Variants in HDAC9 observed in about 807,000 individuals in gnomAD.
HDAC9 encodes histone deacetylase 9.
HDAC9 carries 41 observed loss-of-function variants against 139.4 expected under a neutral mutation model. That is an observed-to-expected ratio of 0.29 (90% CI 0.23 to 0.38). The LOEUF (loss-of-function observed/expected upper bound fraction) is 0.38. HDAC9 is among the 10% of genes least tolerant of loss of function. The pLI, the probability that HDAC9 is intolerant of heterozygous loss-of-function variation, is 1.00. For synonymous variants in HDAC9, 517 were observed against 476.2 expected (o/e 1.09, Z -1.12); for missense variants, 1,147 against 1,297.0 (o/e 0.88, Z 1.78).
At chr7:18,267,707 T>G (rs1234963420) in intron 2 of HDAC9, among the ~76,000 whole-genome samples, 1 of 152,170 alleles carries the variant, frequency 6.6e-6, no homozygotes, top group East Asian at 1.9e-4. Context: ...TGATGGACAC[T>G]TAGTTTCATT....
At chr7:18,268,305 A>G (rs1356665390) in intron 2 of HDAC9, among the ~76,000 whole-genome samples, 1 of 152,128 alleles carries the variant, frequency 6.6e-6, no homozygotes, top group Non-Finnish European at 1.5e-5. Flanking sequence ...ATTGCTTGAG[A>G]TGATAGTTTC....
intron 8 of HDAC9, among the ~76,000 whole-genome samples, chr7:18,636,357 G>A (rs754118851): frequency 5.9e-5 from 9 of 151,976 alleles, no homozygotes; most frequent in South Asian, 2.1e-4. Context: ...CTCAGATGTC[G>A]TAACCACAAG....
At chr7:18,448,141 G>A (rs113112099) in intron 1 of HDAC9, among the ~76,000 whole-genome samples, 7,527 of 152,134 alleles carry the variant, frequency 0.049, 315 homozygotes, top group African/African-American at 0.12. Flanking sequence ...CTGAGATTAC[G>A]CGCGTGAGCC....
chr7:18,196,967 C>A (rs926187963), intron 2 of HDAC9, among the ~76,000 whole-genome samples: 1 of 152,184 alleles, frequency 6.6e-6, no homozygotes, highest in Non-Finnish European at 1.5e-5. Flanking sequence ...ATGAGGCTGA[C>A]ATTTAAATCA....
At chr7:18,252,248 G>C (rs527813009) in intron 2 of HDAC9, among the ~76,000 whole-genome samples, 1 of 152,274 alleles carries the variant, frequency 6.6e-6, no homozygotes, top group African/African-American at 2.4e-5. Context: ...CTGAAGTGGG[G>C]CAGGAGTCAA....
At chr7:18,198,298 A>G (rs1372302206) in intron 2 of HDAC9, among the ~76,000 whole-genome samples, 2 of 152,156 alleles carry the variant, frequency 1.3e-5, no homozygotes, top group East Asian at 3.8e-4. Flanking sequence ...TTAAGTTAAT[A>G]TAACTGTAAA....
chr7:18,866,285 G>A (rs13242758), intron 21 of HDAC9, among the ~76,000 whole-genome samples: 66,208 of 151,308 alleles, frequency 0.44, 14,886 homozygotes, highest in Middle Eastern at 0.56. Flanking sequence ...CACCACCCCC[G>A]TGACTTTCTG....
intron 1 of HDAC9, among the ~76,000 whole-genome samples, chr7:18,128,930 G>A (rs1016284915): frequency 6.6e-6 from 1 of 151,886 alleles, no homozygotes; most frequent in African/African-American, 2.4e-5. Flanking sequence ...GCTGAGAACA[G>A]GACTTTTAGG....
intron 12 of HDAC9, among the ~76,000 whole-genome samples, chr7:18,705,064 T>G (rs190160124): frequency 2.6e-5 from 4 of 152,334 alleles, no homozygotes; most frequent in Non-Finnish European, 5.9e-5. Context: ...ATTTTTTAAA[T>G]TAAATATGCG....
intron 22 of HDAC9, among the ~76,000 whole-genome samples, chr7:18,895,064 A>G (rs1801056746): frequency 6.6e-6 from 1 of 152,162 alleles, no homozygotes; most frequent in Non-Finnish European, 1.5e-5. Flanking sequence ...AAGGTATGGC[A>G]TAATTATCTA....
chr7:18,168,052 A>C (rs2128131317), intron 2 of HDAC9, among the ~76,000 whole-genome samples: 1 of 152,348 alleles, frequency 6.6e-6, no homozygotes, highest in East Asian at 1.9e-4. Context: ...TTGTTTATGA[A>C]TCATGCAGAA....
intron 25 of HDAC9, among the ~76,000 whole-genome samples, chr7:18,985,596 G>T (rs549931736): frequency 1.1e-4 from 16 of 149,400 alleles, no homozygotes; most frequent in Admixed American, 2.0e-4. Flanking sequence ...GTAATGGGAT[G>T]GCTGGGTCAA....
intron 22 of HDAC9, among the ~76,000 whole-genome samples, chr7:18,935,370 A>T (rs1397594580): frequency 6.6e-6 from 1 of 152,212 alleles, no homozygotes; most frequent in East Asian, 1.9e-4. Flanking sequence ...ATATTAGATA[A>T]TGTAAATTTG....
At chr7:18,878,386 C>A (rs1238782129) in intron 22 of HDAC9, among the ~76,000 whole-genome samples, 2 of 149,020 alleles carry the variant, frequency 1.3e-5, no homozygotes, top group East Asian at 3.9e-4. Context: ...GAGATGATAG[C>A]CATATCTGAT....
chr7:18,660,616 G>A (rs771456558), intron 11 of HDAC9, among the ~76,000 whole-genome samples: 5 of 152,046 alleles, frequency 3.3e-5, no homozygotes, highest in Non-Finnish European at 7.4e-5. Flanking sequence ...AACAAAGATA[G>A]CGATATGATG....
chr7:18,701,364 A>G (rs1011331604), intron 12 of HDAC9, among the ~76,000 whole-genome samples: 1 of 151,070 alleles, frequency 6.6e-6, no homozygotes, highest in Non-Finnish European at 1.5e-5. Flanking sequence ...CTCATGTCCA[A>G]TACAGACATT....
chr7:18,552,299 C>T (rs565346698), intron 2 of HDAC9, among the ~76,000 whole-genome samples: 8 of 151,822 alleles, frequency 5.3e-5, no homozygotes, highest in Admixed American at 1.3e-4. Context: ...TTTTTTTGAG[C>T]CTGCAGACTA....
chr7:18,708,294 A>C (rs1439598920), intron 12 of HDAC9, among the ~76,000 whole-genome samples: 1 of 152,064 alleles, frequency 6.6e-6, no homozygotes, highest in African/African-American at 2.4e-5. Context: ...GGAGAAAAAG[A>C]GGGAGGAAGG....
At chr7:18,252,362 A>G (rs901086790) in intron 2 of HDAC9, among the ~76,000 whole-genome samples, 2 of 152,238 alleles carry the variant, frequency 1.3e-5, no homozygotes, top group African/African-American at 4.8e-5. Context: ...CAGATGCACC[A>G]TTAAAATGTG....
Sources: allele counts gnomAD v4.1 joint callset (sites outside exome capture counted in the v4.1 genomes callset), GRCh38; gene constraint gnomAD v4.1.1; transcripts MANE v1.5; gene names NCBI Gene and HGNC (gene_info 2026-07-23, HGNC 2026-07-21).